The following C11orf96 variants were observed in gnomAD, a reference collection of about 807,000 sequenced individuals.
The protein encoded by C11orf96 is chromosome 11 open reading frame 96.
Under a neutral mutation model 7.6 loss-of-function variants are expected in C11orf96, and 6 were observed. That is an observed-to-expected ratio of 0.79 (90% CI 0.43 to 1.55). C11orf96 has a LOEUF of 1.55. Ranked by LOEUF, C11orf96 falls within the 40% of genes most tolerant of loss-of-function variation. The pLI, the probability that C11orf96 is intolerant of heterozygous loss-of-function variation, is 0.01. For missense variants in C11orf96, 150 were observed against 167.3 expected (o/e 0.90, Z 0.57); for synonymous variants, 72 against 79.0 (o/e 0.91, Z 0.47).
chr11:43,943,370 C>G lies in C11orf96; in HGVS notation c.*97C>G. 7.2e-7 allele frequency: 1 copy of G among 1,389,064 alleles called. No individual in the cohort carries two copies. Among genetic ancestry groups the G allele is most frequent in the Non-Finnish European group, 9.3e-7 (1 of 1,076,828 alleles). 86.0% of individuals were successfully genotyped at this position (1,389,064 alleles called of 1,614,324 possible). A position where few individuals can be genotyped will look rare whatever the true frequency, so the allele number is the denominator to read the frequency against. Reference sequence around the variant, plus strand: ...GCCCGCGCCCTGCTCCCGGGGGACCCGCAAGGACCCGGGACCGCCGCTCCT... The same window carrying G: ...GCCCGCGCCCTGCTCCCGGGGGACCGGCAAGGACCCGGGACCGCCGCTCCT... On this transcript the variant is annotated 3_prime_UTR_variant, in exon 1 of 1. Transcript: ENST00000617612. This position sits in a 1 kb window ranked among gnomAD's most constrained non-coding sequence, Gnocchi z 4.8.
Position 43,943,312 on chromosome 11 carries a change from C to A in C11orf96, c.*39C>A. ...CGGGGGGGACGCGCGCGTCCGCGGT[C>A]CGCGCGGGGACCGGCGTGTGAACCC... On this transcript the variant is annotated 3_prime_UTR_variant, in exon 1 of 1. Transcript: ENST00000617612. The surrounding 1 kb of genome is among the most constrained non-coding windows in gnomAD (Gnocchi z 4.8). The A allele has an allele frequency of 6.9e-7, 1 of 1,442,318 alleles. No individual in the cohort carries two copies. The highest frequency in any genetic ancestry group is 9.1e-7 in the Non-Finnish European group (1 of 1,103,368). 89.3% of individuals were successfully genotyped at this position (1,442,318 alleles called of 1,614,324 possible). A position where few individuals can be genotyped will look rare whatever the true frequency, so the allele number is the denominator to read the frequency against.
Position 43,943,290 on chromosome 11 carries a change from GGGGGACGCGCGCGTCCGCGGTCCGCGC to G in C11orf96, c.*24_*50del, listed in dbSNP as rs899686895. 4 of 1,473,128 alleles carry G rather than the reference GGGGGACGCGCGCGTCCGCGGTCCGCGC, an allele frequency of 2.7e-6. No individual in the cohort carries two copies. In the African/African-American group the frequency reaches 4.5e-5, roughly 17 times the overall value. 91.3% of individuals were successfully genotyped at this position (1,473,128 alleles called of 1,614,324 possible). ...GCCCTGTAAGGGGCGCCGCCCGCGG[GGGGGACGCGCGCGTCCGCGGTCCGCGC>G]GGGGACCGGCGTGTGAACCCCGAGA... On this transcript the variant is annotated 3_prime_UTR_variant, in exon 1 of 1. Coordinates refer to ENST00000617612, the MANE Select transcript of C11orf96 (RefSeq NM_001145033.2). The surrounding 1 kb of genome is among the most constrained non-coding windows in gnomAD (Gnocchi z 4.8).
At position 43,942,909 on chromosome 11, in the gene C11orf96, C is replaced by G; in HGVS notation, c.5C>G (p.Ala2Gly). 7.2e-7 allele frequency: 1 copy of G among 1,392,840 alleles called. No homozygotes were observed. The highest frequency in any genetic ancestry group is 9.3e-7 in the Non-Finnish European group (1 of 1,073,476). The allele number at this position is 1,392,840 out of a possible 1,614,324, so 86.3% of individuals were successfully genotyped here. M[A>G]AKPGELMGIC... ...CCCGCAGACGCCGGAGGCGCCATGGCCGCCAAGCCCGGCGAGCTGATGGGC... is the reference window on the plus strand; with the variant it reads ...CCCGCAGACGCCGGAGGCGCCATGGGCGCCAAGCCCGGCGAGCTGATGGGC... Residue 2 changes from alanine to glycine, a missense_variant, in exon 1 of 1, where the codon GCC becomes GGC. Coordinates refer to ENST00000617612, the MANE Select transcript of C11orf96 (RefSeq NM_001145033.2).
chr11:43,943,740 C>G lies in C11orf96; in HGVS notation c.*467C>G. The G allele has an allele frequency of 7.7e-7, 1 of 1,304,388 alleles. No homozygotes were observed. Among genetic ancestry groups the G allele is most frequent in the Non-Finnish European group, 1.0e-6 (1 of 989,028 alleles). 80.8% of individuals were successfully genotyped at this position (1,304,388 alleles called of 1,614,324 possible). ...GTGGCCGTTGGGACTTTGGGCGCAG[C>G]GCGGCTGCTACTGCGTCTGGAGGAT... On this transcript the variant is annotated 3_prime_UTR_variant, in exon 1 of 1. Coordinates refer to ENST00000617612, the MANE Select transcript of C11orf96 (RefSeq NM_001145033.2). This position sits in a 1 kb window ranked among gnomAD's most constrained non-coding sequence, Gnocchi z 4.8.
At position 43,943,281 on chromosome 11, in the gene C11orf96, C is replaced by A. The variant is rs1353979634; in HGVS notation, c.*8C>A. On this transcript the variant is annotated 3_prime_UTR_variant, in exon 1 of 1. Transcript: ENST00000617612. The surrounding 1 kb of genome is among the most constrained non-coding windows in gnomAD (Gnocchi z 4.8). ...TCCGACTCGGCCCTGTAAGGGGCGCCGCCCGCGGGGGGGACGCGCGCGTCC... is the reference window on the plus strand; with the variant it reads ...TCCGACTCGGCCCTGTAAGGGGCGCAGCCCGCGGGGGGGACGCGCGCGTCC... 1.3e-6 allele frequency: 2 copies of A among 1,482,596 alleles called. No homozygotes were observed. Among genetic ancestry groups the A allele is most frequent in the South Asian group, 1.3e-5 (1 of 75,936 alleles). The allele number at this position is 1,482,596 out of a possible 1,614,324, so 91.8% of individuals were successfully genotyped here. A position where few individuals can be genotyped will look rare whatever the true frequency, so the allele number is the denominator to read the frequency against.
At position 43,943,736 on chromosome 11, in the gene C11orf96, G is replaced by C; in HGVS notation, c.*463G>C. Reference sequence around the variant, plus strand: ...AGGCGTGGCCGTTGGGACTTTGGGCGCAGCGCGGCTGCTACTGCGTCTGGA... The same window carrying C: ...AGGCGTGGCCGTTGGGACTTTGGGCCCAGCGCGGCTGCTACTGCGTCTGGA... On this transcript the variant is annotated 3_prime_UTR_variant, in exon 1 of 1. Transcript: ENST00000617612. This position sits in a 1 kb window ranked among gnomAD's most constrained non-coding sequence, Gnocchi z 4.8. 7.7e-7 allele frequency: 1 copy of C among 1,304,386 alleles called. No individual in the cohort carries two copies. The highest frequency in any genetic ancestry group is 1.0e-6 in the Non-Finnish European group (1 of 989,020). The allele number at this position is 1,304,386 out of a possible 1,614,324, so 80.8% of individuals were successfully genotyped here.
rs754112448 is a variant in C11orf96, at chr11:43,943,601, C to G, written c.*328C>G. 1 of 1,308,524 alleles carries G rather than the reference C, an allele frequency of 7.6e-7. No individual in the cohort carries two copies. The highest frequency in any genetic ancestry group is 1.2e-5 in the South Asian group (1 of 81,074). 81.1% of individuals were successfully genotyped at this position (1,308,524 alleles called of 1,614,324 possible). A position where few individuals can be genotyped will look rare whatever the true frequency, so the allele number is the denominator to read the frequency against. ...CGGCGGCGGGTAGCCACTCCATGCCCTTGTCCGATGGTTTGCAACTCCGAT... is the reference window on the plus strand; with the variant it reads ...CGGCGGCGGGTAGCCACTCCATGCCGTTGTCCGATGGTTTGCAACTCCGAT... On this transcript the variant is annotated 3_prime_UTR_variant, in exon 1 of 1. Coordinates refer to ENST00000617612, the MANE Select transcript of C11orf96 (RefSeq NM_001145033.2). The surrounding 1 kb of genome is among the most constrained non-coding windows in gnomAD (Gnocchi z 4.8).
Position 43,942,894 on chromosome 11 carries a change from C to T in C11orf96, c.-11C>T, listed in dbSNP as rs1025608451. On this transcript the variant is annotated 5_prime_UTR_variant, in exon 1 of 1. Transcript: ENST00000617612. ...GCCCCGCCGCCCGGCCCCGCAGACG[C>T]CGGAGGCGCCATGGCCGCCAAGCCC... is the stretch of plus-strand genomic sequence containing the variant. 7.4e-7 allele frequency: 1 copy of T among 1,356,160 alleles called. No homozygotes were observed. The highest frequency in any genetic ancestry group is 1.5e-5 in the African/African-American group (1 of 65,724). The allele number at this position is 1,356,160 out of a possible 1,614,324, so 84.0% of individuals were successfully genotyped here. A position where few individuals can be genotyped will look rare whatever the true frequency, so the allele number is the denominator to read the frequency against.
At position 43,943,493 on chromosome 11, in the gene C11orf96, G is replaced by C. The variant is rs1194303327; in HGVS notation, c.*220G>C. ...CGCCGGGAGCGGGGCCGCTTTCCTC[G>C]TCCTTGTAAATGTTTATTTTTTAAC... On this transcript the variant is annotated 3_prime_UTR_variant, in exon 1 of 1. Transcript: ENST00000617612. The surrounding 1 kb of genome is among the most constrained non-coding windows in gnomAD (Gnocchi z 4.8). 1 of 1,381,260 alleles carries C rather than the reference G, an allele frequency of 7.2e-7. No individual in the cohort carries two copies. Among genetic ancestry groups the C allele is most frequent in the African/African-American group, 1.5e-5 (1 of 67,976 alleles). The allele number at this position is 1,381,260 out of a possible 1,614,324, so 85.6% of individuals were successfully genotyped here.
chr11:43,943,494 T>A lies in C11orf96; in HGVS notation c.*221T>A. 2 of 1,378,342 alleles carry A rather than the reference T, an allele frequency of 1.5e-6. No individual in the cohort carries two copies. Among genetic ancestry groups the A allele is most frequent in the Non-Finnish European group, 1.9e-6 (2 of 1,038,898 alleles). The allele number at this position is 1,378,342 out of a possible 1,614,324, so 85.4% of individuals were successfully genotyped here. On this transcript the variant is annotated 3_prime_UTR_variant, in exon 1 of 1. Transcript: ENST00000617612. The surrounding 1 kb of genome is among the most constrained non-coding windows in gnomAD (Gnocchi z 4.8). ...GCCGGGAGCGGGGCCGCTTTCCTCG[T>A]CCTTGTAAATGTTTATTTTTTAACT...
Position 43,943,327 on chromosome 11 carries a change from C to T in C11orf96, c.*54C>T, listed in dbSNP as rs1448645355. 2 of 1,425,246 alleles carry T rather than the reference C, an allele frequency of 1.4e-6. No individual in the cohort carries two copies. The highest frequency in any genetic ancestry group is 1.8e-6 in the Non-Finnish European group (2 of 1,096,046). The allele number at this position is 1,425,246 out of a possible 1,614,324, so 88.3% of individuals were successfully genotyped here. A position where few individuals can be genotyped will look rare whatever the true frequency, so the allele number is the denominator to read the frequency against. ...CGTCCGCGGTCCGCGCGGGGACCGG[C>T]GTGTGAACCCCGAGAGTGCCCGCGC... On this transcript the variant is annotated 3_prime_UTR_variant, in exon 1 of 1. Coordinates refer to ENST00000617612, the MANE Select transcript of C11orf96 (RefSeq NM_001145033.2). This position sits in a 1 kb window ranked among gnomAD's most constrained non-coding sequence, Gnocchi z 4.8.
In C11orf96 at chr11:43,942,884, C is replaced by A; in HGVS notation, c.-21C>A. 2 of 1,318,556 alleles carry A rather than the reference C, an allele frequency of 1.5e-6. No homozygotes were observed. The highest frequency in any genetic ancestry group is 4.0e-5 in the South Asian group (2 of 49,666). The allele number at this position is 1,318,556 out of a possible 1,614,324, so 81.7% of individuals were successfully genotyped here. ...GAGCCCCGGCGCCCCGCCGCCCGGC[C>A]CCGCAGACGCCGGAGGCGCCATGGC... On this transcript the variant is annotated 5_prime_UTR_variant, in exon 1 of 1. Transcript: ENST00000617612.
rs571100467 is a variant in C11orf96, at chr11:43,943,760, G to T, written c.*487G>T. The T allele has an allele frequency of 3.8e-5, 49 of 1,304,342 alleles. No individual in the cohort carries two copies. The highest frequency in any genetic ancestry group is 4.8e-5 in the Non-Finnish European group (47 of 988,974). 80.8% of individuals were successfully genotyped at this position (1,304,342 alleles called of 1,614,324 possible). A position where few individuals can be genotyped will look rare whatever the true frequency, so the allele number is the denominator to read the frequency against. ...CGCAGCGCGGCTGCTACTGCGTCTG[G>T]AGGATTGATATTTATTTTTGCATTG... is the stretch of plus-strand genomic sequence containing the variant. On this transcript the variant is annotated 3_prime_UTR_variant, in exon 1 of 1. Coordinates refer to ENST00000617612, the MANE Select transcript of C11orf96 (RefSeq NM_001145033.2). The surrounding 1 kb of genome is among the most constrained non-coding windows in gnomAD (Gnocchi z 4.8).
Position 43,943,351 on chromosome 11 carries a change from GC to G in C11orf96, c.*81del. ...GCGTGTGAACCCCGAGAGTGCCCGC[GC>G]CCTGCTCCCGGGGGACCCGCAAGGA... On this transcript the variant is annotated 3_prime_UTR_variant, in exon 1 of 1. Coordinates refer to ENST00000617612, the MANE Select transcript of C11orf96 (RefSeq NM_001145033.2). This position sits in a 1 kb window ranked among gnomAD's most constrained non-coding sequence, Gnocchi z 4.8. 1.4e-6 allele frequency: 2 copies of G among 1,393,376 alleles called. No individual in the cohort carries two copies. Among genetic ancestry groups the G allele is most frequent in the Non-Finnish European group, 1.9e-6 (2 of 1,080,312 alleles). 86.3% of individuals were successfully genotyped at this position (1,393,376 alleles called of 1,614,324 possible).
chr11:43,943,321 G>C lies in C11orf96; in HGVS notation c.*48G>C. ...CGCGCGCGTCCGCGGTCCGCGCGGG[G>C]ACCGGCGTGTGAACCCCGAGAGTGC... On this transcript the variant is annotated 3_prime_UTR_variant, in exon 1 of 1. Coordinates refer to ENST00000617612, the MANE Select transcript of C11orf96 (RefSeq NM_001145033.2). The surrounding 1 kb of genome is among the most constrained non-coding windows in gnomAD (Gnocchi z 4.8). 7.0e-7 allele frequency: 1 copy of C among 1,433,174 alleles called. No individual in the cohort carries two copies. Among genetic ancestry groups the C allele is most frequent in the Non-Finnish European group, 9.1e-7 (1 of 1,099,438 alleles). 88.8% of individuals were successfully genotyped at this position (1,433,174 alleles called of 1,614,324 possible).
chr11:43,943,198 G>T lies in C11orf96; in HGVS notation c.294G>T (p.Ser98=), dbSNP rs1952126814. ...TGCGCCGCAGCACGCAGAGCCTGTC[G>T]CTGCAGCGGGAGCAGCTCAGCAGCT... is the stretch of plus-strand genomic sequence containing the variant. The part of the protein sequence containing the change: ...ECLRRSTQSL[S]LQREQLSSCK... Residue 98 remains serine, a synonymous_variant, in exon 1 of 1, where the codon TCG becomes TCT. Coordinates refer to ENST00000617612, the MANE Select transcript of C11orf96 (RefSeq NM_001145033.2). This position sits in a 1 kb window ranked among gnomAD's most constrained non-coding sequence, Gnocchi z 4.8. 1 of 1,522,694 alleles carries T rather than the reference G, an allele frequency of 6.6e-7. No homozygotes were observed. Among genetic ancestry groups the T allele is most frequent in the Admixed American group, 2.1e-5 (1 of 46,830 alleles). The allele number at this position is 1,522,694 out of a possible 1,614,324, so 94.3% of individuals were successfully genotyped here.
Position 43,942,728 on chromosome 11 carries a change from C to T in C11orf96, c.-177C>T, listed in dbSNP as rs1952122512. 1 of 150,718 alleles carries T rather than the reference C, an allele frequency of 6.6e-6. No individual in the cohort carries two copies. 9.3% of individuals were successfully genotyped at this position (150,718 alleles called of 1,614,324 possible). ...CCCCCCGACGGGTCCGCCCGCCCGC[C>T]CGCCCTCCCGAGGAGCGCCGGCCCG... On this transcript the variant is annotated 5_prime_UTR_variant, in exon 1 of 1. Coordinates refer to ENST00000617612, the MANE Select transcript of C11orf96 (RefSeq NM_001145033.2).
Position 43,943,463 on chromosome 11 carries a change from G to A in C11orf96, c.*190G>A, listed in dbSNP as rs1295514994. 1 of 1,411,388 alleles carries A rather than the reference G, an allele frequency of 7.1e-7. No homozygotes were observed. The highest frequency in any genetic ancestry group is 9.4e-7 in the Non-Finnish European group (1 of 1,060,640). The allele number at this position is 1,411,388 out of a possible 1,614,324, so 87.4% of individuals were successfully genotyped here. The stretch of plus-strand genomic sequence containing the variant: ...CCCCTCGCCGCGCTCGCCCTGGCCC[G>A]GGAGCGCCGGGAGCGGGGCCGCTTT... On this transcript the variant is annotated 3_prime_UTR_variant, in exon 1 of 1. Coordinates refer to ENST00000617612, the MANE Select transcript of C11orf96 (RefSeq NM_001145033.2). The surrounding 1 kb of genome is among the most constrained non-coding windows in gnomAD (Gnocchi z 4.8).
At position 43,943,771 on chromosome 11, in the gene C11orf96, T is replaced by C. The variant is rs538529722; in HGVS notation, c.*498T>C. The stretch of plus-strand genomic sequence containing the variant: ...TGCTACTGCGTCTGGAGGATTGATA[T>C]TTATTTTTGCATTGCGATGGCTGAA... On this transcript the variant is annotated 3_prime_UTR_variant, in exon 1 of 1. Transcript: ENST00000617612. This position sits in a 1 kb window ranked among gnomAD's most constrained non-coding sequence, Gnocchi z 4.8. 1.2e-5 allele frequency: 15 copies of C among 1,304,158 alleles called. No individual in the cohort carries two copies. In the Admixed American group the frequency reaches 2.3e-4, roughly 20 times the overall value. 80.8% of individuals were successfully genotyped at this position (1,304,158 alleles called of 1,614,324 possible). A position where few individuals can be genotyped will look rare whatever the true frequency, so the allele number is the denominator to read the frequency against.
Sources: allele counts gnomAD v4.1 joint callset, GRCh38; gene constraint gnomAD v4.1.1; non-coding constraint Gnocchi (gnomAD v3.1); transcripts MANE v1.5; gene names NCBI Gene and HGNC (gene_info 2026-07-23, HGNC 2026-07-21).